Variants in KCND2 observed in about 807,000 individuals in gnomAD.
The protein encoded by KCND2 is A-type voltage-gated potassium channel KCND2.
Under a neutral mutation model 54.4 loss-of-function variants are expected in KCND2, and 16 were observed. The observed-to-expected ratio is 0.29, with a 90% CI of 0.20 to 0.45. KCND2 has a LOEUF of 0.45. KCND2 is among the 20% of genes least tolerant of loss of function. The probability of loss-of-function intolerance (pLI) is 1.00; values close to 1 mark genes in which losing one functional copy is unlikely to be tolerated. For synonymous variants in KCND2, 317 were observed against 310.7 expected (o/e 1.02, Z -0.21); for missense variants, 486 against 824.2 (o/e 0.59, Z 5.02).
At chr7:120,740,489 A>G (rs1792926978) in intron 2 of KCND2, among the ~76,000 whole-genome samples, 1 of 152,106 alleles carries the variant, frequency 6.6e-6, no homozygotes, top group African/African-American at 2.4e-5. Flanking sequence ...TACACTTGCT[A>G]GCTACATGTA....
At chr7:120,519,828 C>G (rs955444506) in intron 1 of KCND2, among the ~76,000 whole-genome samples, 9 of 152,072 alleles carry the variant, frequency 5.9e-5, no homozygotes, top group African/African-American at 2.2e-4. Context: ...TACACTCGAG[C>G]CTGATCCATT....
At chr7:120,395,532 TG>T (rs1801141503) in intron 1 of KCND2, among the ~76,000 whole-genome samples, 2 of 152,000 alleles carry the variant, frequency 1.3e-5, no homozygotes, top group African/African-American at 4.8e-5. Context: ...GGTGATCTGG[TG>T]ATCAGAGAAG....
chr7:120,563,820 A>G (rs1252396528), intron 1 of KCND2, among the ~76,000 whole-genome samples: 1 of 152,156 alleles, frequency 6.6e-6, no homozygotes, highest in Non-Finnish European at 1.5e-5. Flanking sequence ...TCATTTGCCC[A>G]GATAGATATC....
At chr7:120,638,765 T>G (rs1793336909) in intron 1 of KCND2, among the ~76,000 whole-genome samples, 1 of 152,118 alleles carries the variant, frequency 6.6e-6, no homozygotes, top group Non-Finnish European at 1.5e-5. Context: ...AAGAGTACTT[T>G]CATGCAGAAA....
intron 1 of KCND2, among the ~76,000 whole-genome samples, chr7:120,311,676 T>G (rs1799737993): frequency 6.6e-6 from 1 of 152,136 alleles, no homozygotes; most frequent in Admixed American, 6.6e-5. Context: ...CATCCAGGTA[T>G]TAAGCCTAGT....
chr7:120,653,716 C>T (rs900861379), intron 1 of KCND2, among the ~76,000 whole-genome samples: 4 of 152,162 alleles, frequency 2.6e-5, no homozygotes, highest in East Asian at 3.9e-4. Flanking sequence ...AAACAAACAA[C>T]AGTAACACAC....
chr7:120,331,486 A>C (rs1584733686), intron 1 of KCND2, among the ~76,000 whole-genome samples: 2 of 151,952 alleles, frequency 1.3e-5, no homozygotes, highest in South Asian at 2.1e-4. Context: ...TTTTAATTAC[A>C]AAAAAAGGAA....
intron 1 of KCND2, among the ~76,000 whole-genome samples, chr7:120,654,471 T>C (rs1447329832): frequency 6.6e-6 from 1 of 152,216 alleles, no homozygotes; most frequent in Non-Finnish European, 1.5e-5. Context: ...TTACTAATTC[T>C]AGGAATGCAT....
intron 1 of KCND2, among the ~76,000 whole-genome samples, chr7:120,390,070 T>C (rs1250582074): frequency 6.6e-6 from 1 of 151,944 alleles, no homozygotes; most frequent in Non-Finnish European, 1.5e-5. Flanking sequence ...ATCAACACGT[T>C]AGTAATTCCT....
At chr7:120,279,977 C>A (rs185988111) in intron 1 of KCND2, among the ~76,000 whole-genome samples, 12 of 151,954 alleles carry the variant, frequency 7.9e-5, no homozygotes, top group Admixed American at 2.6e-4. Flanking sequence ...TTAAAGTTTA[C>A]CCAGCTGTTA....
At chr7:120,677,944 G>A (rs1055714157) in intron 1 of KCND2, among the ~76,000 whole-genome samples, 1 of 151,856 alleles carries the variant, frequency 6.6e-6, no homozygotes, top group Non-Finnish European at 1.5e-5. Flanking sequence ...GAAACTAATC[G>A]GTAGTCTGTA....
At chr7:120,677,583 A>T (rs920218505) in intron 1 of KCND2, among the ~76,000 whole-genome samples, 26 of 149,454 alleles carry the variant, frequency 1.7e-4, no homozygotes, top group Non-Finnish European at 2.7e-4. Context: ...ATATATAGAT[A>T]TATAAAATAC....
intron 1 of KCND2, among the ~76,000 whole-genome samples, chr7:120,360,421 G>A (rs1800576839): frequency 6.6e-6 from 1 of 151,918 alleles, no homozygotes; most frequent in East Asian, 1.9e-4. Flanking sequence ...TGTTGCATAT[G>A]CCATGCTCTT....
chr7:120,530,845 A>G (rs1791835030), intron 1 of KCND2, among the ~76,000 whole-genome samples: 1 of 152,030 alleles, frequency 6.6e-6, no homozygotes, highest in South Asian at 2.1e-4. Context: ...TATTATTGTT[A>G]TTATTTTTAC....
chr7:120,747,643 AAAC>A (rs1562926871), intron 5 of KCND2, 35 bp from the exon 6 acceptor site: 14 of 1,489,512 alleles, frequency 9.4e-6, no homozygotes, highest in African/African-American at 1.4e-5. Context: ...CATTTTAAGT[AAAC>A]AACTTACTTT....
intron 1 of KCND2, among the ~76,000 whole-genome samples, chr7:120,505,309 A>G (rs1456443534): frequency 6.6e-6 from 1 of 151,716 alleles, no homozygotes; most frequent in African/African-American, 2.4e-5. Flanking sequence ...GGAATCTTCA[A>G]AAGCAAATCT....
intron 1 of KCND2, among the ~76,000 whole-genome samples, chr7:120,363,552 C>T (rs1015781974): frequency 6.6e-6 from 1 of 152,056 alleles, no homozygotes; most frequent in African/African-American, 2.4e-5. Flanking sequence ...ACCACTTCTC[C>T]TTGCTTCCAC....
chr7:120,625,611 G>A (rs1287248039), intron 1 of KCND2, among the ~76,000 whole-genome samples: 1 of 152,014 alleles, frequency 6.6e-6, no homozygotes, highest in Non-Finnish European at 1.5e-5. Flanking sequence ...ATTACTTGTG[G>A]AATTTTACTT....
intron 1 of KCND2, among the ~76,000 whole-genome samples, chr7:120,536,281 T>C (rs915224846): frequency 5.9e-5 from 9 of 152,168 alleles, no homozygotes; most frequent in African/African-American, 2.2e-4. Flanking sequence ...AACAATCATC[T>C]GGACTGTCAG....
Sources: gnomAD v4.1 joint callset for allele counts (sites outside exome capture counted in the v4.1 genomes callset) on GRCh38, gnomAD v4.1.1 for gene constraint, MANE v1.5 for transcripts, NCBI Gene and HGNC (gene_info 2026-07-23, HGNC 2026-07-21) for gene names.